Variants in HACE1 observed in about 807,000 individuals in gnomAD.
HACE1 encodes the protein HECT domain and ankyrin repeat containing E3 ubiquitin protein ligase 1.
Under a neutral mutation model 118.4 loss-of-function variants are expected in HACE1, and 73 were observed. That is an observed-to-expected ratio of 0.62 (90% CI 0.51 to 0.75). The LOEUF is 0.75. HACE1 is among the 30% of genes least tolerant of loss of function. The pLI is 0.00. For missense variants in HACE1, 749 were observed against 1,102.2 expected, an observed-to-expected ratio of 0.68 and a Z score of 4.54; for synonymous variants, 368 against 374.8, an observed-to-expected ratio of 0.98 and a Z score of 0.21.
intron 22 of HACE1, chr6:104,730,627 A>T: frequency 1.9e-6 from 1 of 539,966 alleles, no homozygotes; most frequent in Non-Finnish European, 3.4e-6. Flanking sequence ...ACATTTCCAT[A>T]AGCTATACTA....
rs372153669 is a variant in HACE1, at chr6:104,849,256, T to C, written c.222-10A>G. 6.6e-6 allele frequency: 10 copies of C among 1,504,776 alleles called. No individual in the cohort carries two copies. In the African/African-American group the frequency reaches 8.2e-5, roughly 12 times the overall value. 93.2% of individuals were successfully genotyped at this position (1,504,776 alleles called of 1,614,324 possible). A position where few individuals can be genotyped will look rare whatever the true frequency, so the allele number is the denominator to read the frequency against. On this transcript the variant is annotated splice_polypyrimidine_tract_variant and intron_variant, in intron 3 of 23. Transcript: ENST00000262903. The stretch of plus-strand genomic sequence containing the variant: ...TTCCACCGATCCACAACTAAAACAA[T>C]ATTAAAAGACAGTTCAGATACATTC...
chr6:104,776,657 G>A, intron 17 of HACE1, 84 bp downstream of exon 17: 2 of 859,560 alleles, frequency 2.3e-6, no homozygotes, highest in South Asian at 1.3e-5. Context: ...CAGGTCTGCT[G>A]TGGAAATCAA....
intron 22 of HACE1, chr6:104,730,696 A>G (rs1775108441): frequency 2.6e-6 from 1 of 381,330 alleles, no homozygotes; most frequent in Admixed American, 3.9e-5. Flanking sequence ...TACATTTACA[A>G]TTATTTGCTT....
chr6:104,773,209 A>T (rs754711725), intron 17 of HACE1, among the ~76,000 whole-genome samples: 3 of 152,222 alleles, frequency 2.0e-5, no homozygotes, highest in Non-Finnish European at 2.9e-5. Flanking sequence ...GCTATATACT[A>T]CTATTGTAAA....
At chr6:104,817,057 T>C (rs1772195466) in intron 6 of HACE1, among the ~76,000 whole-genome samples, 1 of 152,202 alleles carries the variant, frequency 6.6e-6, no homozygotes, top group Admixed American at 6.5e-5. Context: ...TTGTTTTTGA[T>C]TTTACAGGCT....
chr6:104,766,190 C>G (rs957136491), intron 19 of HACE1, among the ~76,000 whole-genome samples: 2 of 152,202 alleles, frequency 1.3e-5, no homozygotes, highest in Non-Finnish European at 2.9e-5. Context: ...GCATATGCGT[C>G]CTGCACATGT....
At chr6:104,764,670 A>T (rs1779777530) in intron 19 of HACE1, among the ~76,000 whole-genome samples, 1 of 152,122 alleles carries the variant, frequency 6.6e-6, no homozygotes, top group Non-Finnish European at 1.5e-5. Flanking sequence ...TACACTCAGA[A>T]CCATTTTGGC....
rs749075377 is a variant in HACE1, at chr6:104,744,166, G to A, written c.2507C>T (p.Thr836Met). 16 of 1,577,188 alleles carry A rather than the reference G, an allele frequency of 1.0e-5. No individual in the cohort carries two copies. Among genetic ancestry groups the A allele is most frequent in the Admixed American group, 1.7e-5 (1 of 59,938 alleles). ...EERVLLLQFVTGSSRVPHGGF... is the reference protein window; with the variant it reads ...EERVLLLQFVMGSSRVPHGGF... ...TCATAAAAATACTGCTTACCTGCCCGTAACAAACTGTAAGAGAAGAACTCT... is the reference window on the plus strand; with the variant it reads ...TCATAAAAATACTGCTTACCTGCCCATAACAAACTGTAAGAGAAGAACTCT... The change falls in exon 22 of 24, where the codon ACG (threonine) becomes ATG (methionine). Residue 836 changes from threonine (T) to methionine (M), a missense_variant. This residue lies in a region of HACE1 where 165 missense variants were observed against 229.9 expected (regional missense o/e 0.72). Transcript: ENST00000262903.
intron 7 of HACE1, among the ~76,000 whole-genome samples, chr6:104,808,618 T>C (rs9499979): frequency 0.23 from 33,906 of 148,992 alleles, 3,914 homozygotes; most frequent in African/African-American, 0.27. Context: ...ATATAATATA[T>C]TATATCTAGT....
At chr6:104,788,617 C>T (rs1782684991) in intron 11 of HACE1, among the ~76,000 whole-genome samples, 2 of 152,064 alleles carry the variant, frequency 1.3e-5, no homozygotes, top group Admixed American at 6.5e-5. Context: ...TTCTTGGTTA[C>T]CAAAATTTCC....
intron 10 of HACE1, among the ~76,000 whole-genome samples, 153 bp downstream of exon 10, chr6:104,795,426 C>A (rs1005927156): frequency 1.3e-5 from 2 of 152,058 alleles, no homozygotes; most frequent in Non-Finnish European, 2.9e-5. Context: ...TAGTTGATTA[C>A]CCTGGTCCTT....
In HACE1 at chr6:104,744,406, CACTTT is replaced by C. The variant is rs1461894713; in HGVS notation, c.2442+101_2442+105del. ...TTCCCACAAGAATAATTTGGGTAAA[CACTTT>C]ACTTTGTTAATTAATGTAAGTTTTC... On this transcript the variant is annotated intron_variant, in intron 21 of 23. Coordinates refer to ENST00000262903, the MANE Select transcript of HACE1 (RefSeq NM_020771.4). 10 of 829,094 alleles carry C rather than the reference CACTTT, an allele frequency of 1.2e-5. No individual in the cohort carries two copies. The East Asian group carries it at 2.5e-4, about 20-fold the overall frequency. 51.4% of individuals were successfully genotyped at this position (829,094 alleles called of 1,614,324 possible). A position where few individuals can be genotyped will look rare whatever the true frequency, so the allele number is the denominator to read the frequency against.
chr6:104,822,956 C>T (rs1285860353), intron 6 of HACE1, among the ~76,000 whole-genome samples: 1 of 152,160 alleles, frequency 6.6e-6, no homozygotes, highest in Non-Finnish European at 1.5e-5. Flanking sequence ...GACTAACATA[C>T]TCCTCTACTG....
chr6:104,777,978 CG>C (rs1781384410), intron 14 of HACE1, among the ~76,000 whole-genome samples: 2 of 152,124 alleles, frequency 1.3e-5, no homozygotes, highest in South Asian at 4.1e-4. Flanking sequence ...AGGCTGGTTT[CG>C]AACTCCTGAC....
At chr6:104,791,205 T>C (rs1320828702) in intron 11 of HACE1, among the ~76,000 whole-genome samples, 1 of 152,190 alleles carries the variant, frequency 6.6e-6, no homozygotes, top group Non-Finnish European at 1.5e-5. Context: ...GGTGGCTGCA[T>C]ATTACATTAA....
chr6:104,842,753 T>A (rs939430370), intron 5 of HACE1, among the ~76,000 whole-genome samples: 1 of 152,178 alleles, frequency 6.6e-6, no homozygotes, highest in Non-Finnish European at 1.5e-5. Flanking sequence ...TGGTAAGCCA[T>A]AACTTATCTT....
intron 17 of HACE1, among the ~76,000 whole-genome samples, chr6:104,775,700 G>A (rs1781162948): frequency 6.6e-6 from 1 of 152,172 alleles, no homozygotes; most frequent in South Asian, 2.1e-4. Flanking sequence ...GCAGTTCCAT[G>A]TTCCTACATA....
Position 104,773,044 on chromosome 6 carries a change from C to CA in HACE1, c.1865-971dup, listed in dbSNP as rs11422855. 7.5e-3 allele frequency among the ~76,000 whole-genome samples: 1,116 copies of CA among 148,206 alleles called. 8 individuals are homozygous for CA. Among genetic ancestry groups the CA allele is most frequent in the African/African-American group, 0.024 (962 of 40,586 alleles). ...TTTCACCACCGTAAAAAAAAAGTCT[C>CA]AAAAAAAAAATACTACTAGTTAAAA... On this transcript the variant is annotated intron_variant, in intron 17 of 23. Transcript: ENST00000262903.
At chr6:104,816,886 C>T (rs1164904485) in intron 6 of HACE1, among the ~76,000 whole-genome samples, 10 of 152,268 alleles carry the variant, frequency 6.6e-5, no homozygotes, top group African/African-American at 2.2e-4. Flanking sequence ...ATATGAGACA[C>T]GGAGTCAACG....
Sources: gnomAD v4.1 joint callset for allele counts (sites outside exome capture counted in the v4.1 genomes callset) on GRCh38, gnomAD v4.1.1 for gene constraint, gnomAD v4.1.1 regional missense constraint, MANE v1.5 for transcripts, NCBI Gene and HGNC (gene_info 2026-07-23, HGNC 2026-07-21) for gene names.